Variants in TLL2 observed in about 807,000 individuals in gnomAD.
The protein encoded by TLL2 is tolloid-like protein 2.
A neutral mutation model predicts 123.0 loss-of-function variants in TLL2; 106 were observed. The ratio of observed to expected loss-of-function variants is 0.86; its 90% CI spans 0.74 to 1.01. The LOEUF is 1.01. Among genes scored for constraint, TLL2 ranks in the 50% least tolerant of loss-of-function variants. The probability of loss-of-function intolerance (pLI) is 0.00; values close to 1 mark genes in which losing one functional copy is unlikely to be tolerated. For synonymous variants in TLL2, 494 were observed against 516.8 expected, an observed-to-expected ratio of 0.96 and a Z score of 0.60; for missense variants, 1,332 against 1,336.7, an observed-to-expected ratio of 1.00 and a Z score of 0.06.
chr10:96,503,945 C>T (rs867192635), intron 1 of TLL2, among the ~76,000 whole-genome samples: 33 of 152,228 alleles, frequency 2.2e-4, no homozygotes, highest in African/African-American at 7.9e-4. Flanking sequence ...AAGCTGGAGG[C>T]CCCAGGGTTG....
chr10:96,427,318 T>C (rs1846687248), intron 5 of TLL2, among the ~76,000 whole-genome samples: 1 of 152,352 alleles, frequency 6.6e-6, no homozygotes, highest in Middle Eastern at 3.4e-3. Flanking sequence ...TAGAATCTGA[T>C]AGACCTATAG....
intron 9 of TLL2, among the ~76,000 whole-genome samples, chr10:96,407,313 T>C (rs564698439): frequency 3.3e-5 from 5 of 152,224 alleles, no homozygotes; most frequent in African/African-American, 9.6e-5. Flanking sequence ...ATGAACACGA[T>C]TGATCTTTGC....
chr10:96,480,152 T>C (rs1218942139), intron 2 of TLL2, among the ~76,000 whole-genome samples, 197 bp downstream of exon 2: 3 of 152,188 alleles, frequency 2.0e-5, no homozygotes, highest in African/African-American at 7.2e-5. Context: ...GAGATTTTCT[T>C]AGATGAATCA....
intron 3 of TLL2, among the ~76,000 whole-genome samples, chr10:96,433,776 T>TTTTG (rs1041493350): frequency 3.3e-5 from 5 of 152,154 alleles, no homozygotes; most frequent in Non-Finnish European, 2.9e-5. Flanking sequence ...TTTTCTTTGT[T>TTTTG]TTTGTTTGTT....
At chr10:96,466,828 C>A (rs1847136837) in intron 2 of TLL2, among the ~76,000 whole-genome samples, 1 of 152,160 alleles carries the variant, frequency 6.6e-6, no homozygotes, top group African/African-American at 2.4e-5. Context: ...TGTATCCAGT[C>A]CCCATTACAC....
chr10:96,381,385 C>T (rs761821564), intron 16 of TLL2, among the ~76,000 whole-genome samples: 23 of 152,246 alleles, frequency 1.5e-4, no homozygotes, highest in Non-Finnish European at 2.9e-4. Context: ...CCTTCTCCAA[C>T]TTGGCCCATC....
intron 2 of TLL2, among the ~76,000 whole-genome samples, chr10:96,465,678 C>T (rs1005487808): frequency 6.6e-6 from 1 of 152,210 alleles, no homozygotes; most frequent in Non-Finnish European, 1.5e-5. Context: ...CAAGGTGGTG[C>T]CTCTTACCCA....
chr10:96,386,940 G>A lies in TLL2; in HGVS notation c.1852+13C>T. 1 of 1,613,972 alleles carries A rather than the reference G, an allele frequency of 6.2e-7. No homozygotes were observed. Among genetic ancestry groups the A allele is most frequent in the Non-Finnish European group, 8.5e-7 (1 of 1,179,936 alleles). ...ATACCCTCTCATTCTAGCTTGGCAG[G>A]TCCCACACCAACCTTCACACATCTT... On this transcript the variant is annotated intron_variant, in intron 14 of 20. Transcript: ENST00000357947.
chr10:96,480,483 G>A (rs1847302146), intron 1 of TLL2, 24 bp from the exon 2 acceptor site: 1 of 1,565,900 alleles, frequency 6.4e-7, no homozygotes. Flanking sequence ...ACATAAGTGG[G>A]TGAATTTATG....
chr10:96,368,269 G>C, intron 20 of TLL2, 47 bp from the exon 21 acceptor site: 1 of 1,603,404 alleles, frequency 6.2e-7, no homozygotes, highest in Non-Finnish European at 8.5e-7. Flanking sequence ...GCTGTGATTG[G>C]AGTTGAAAAT....
At chr10:96,485,977 C>CT (rs1449104822) in intron 1 of TLL2, among the ~76,000 whole-genome samples, 1 of 36,108 alleles carries the variant, frequency 2.8e-5, no homozygotes, top group Non-Finnish European at 6.6e-5. Context: ...AAGAGAGAAG[C>CT]AGGGGGTGGG....
rs145298527 is a variant in TLL2 at position 96,395,962 on chromosome 10, C to T, written c.1443G>A (p.Pro481=). ...ATTCCTTGGAAGGTCTGTAGTCATC[C>T]GGATAGTTGGGAGATTGAATCTGAC... The part of the protein sequence containing the change: ...DAGQIQSPNY[P]DDYRPSKECV... Residue 481 remains proline, a synonymous_variant, in exon 12 of 21, where the codon CCG becomes CCA. Transcript: ENST00000357947. 17 of 1,614,166 alleles carry T rather than the reference C, an allele frequency of 1.1e-5. No homozygotes were observed. The highest frequency in any genetic ancestry group is 2.2e-5 in the South Asian group (2 of 91,076).
intron 2 of TLL2, among the ~76,000 whole-genome samples, chr10:96,452,431 G>A (rs1046291116): frequency 6.6e-6 from 1 of 152,232 alleles, no homozygotes; most frequent in East Asian, 1.9e-4. Context: ...ACCTGCGAGG[G>A]ACACAGGTCC....
chr10:96,439,654 A>G (rs1014719285), intron 3 of TLL2, among the ~76,000 whole-genome samples: 12 of 152,052 alleles, frequency 7.9e-5, no homozygotes, highest in Non-Finnish European at 2.9e-5. Flanking sequence ...TGAAAAGGTA[A>G]TATTTTTTTC....
chr10:96,444,964 C>T (rs1174700724), intron 3 of TLL2, among the ~76,000 whole-genome samples: 1 of 152,130 alleles, frequency 6.6e-6, no homozygotes, highest in East Asian at 1.9e-4. Flanking sequence ...CCGAGGCGGG[C>T]AGATCACGAG....
chr10:96,463,246 T>C (rs1193285745), intron 2 of TLL2, among the ~76,000 whole-genome samples: 1 of 152,184 alleles, frequency 6.6e-6, no homozygotes, highest in Non-Finnish European at 1.5e-5. Flanking sequence ...TTCCGAGGCA[T>C]TGAGCCTGCA....
intron 16 of TLL2, among the ~76,000 whole-genome samples, chr10:96,383,883 G>A (rs1347812009): frequency 6.7e-6 from 1 of 148,658 alleles, no homozygotes; most frequent in Non-Finnish European, 1.5e-5. Context: ...TGCCCGCCTC[G>A]GCCTCCCAAA....
intron 1 of TLL2, among the ~76,000 whole-genome samples, chr10:96,503,700 G>A (rs1251243477): frequency 3.3e-5 from 5 of 152,164 alleles, no homozygotes; most frequent in African/African-American, 9.7e-5. Context: ...GAACAGAGAC[G>A]GGGACAGGTG....
At chr10:96,499,298 C>T (rs904244337) in intron 1 of TLL2, among the ~76,000 whole-genome samples, 2 of 152,192 alleles carry the variant, frequency 1.3e-5, no homozygotes, top group African/African-American at 4.8e-5. Context: ...TGGGCCATAG[C>T]CACTCTCTCT....
Sources: gnomAD v4.1 joint callset for allele counts (sites outside exome capture counted in the v4.1 genomes callset) on GRCh38, gnomAD v4.1.1 for gene constraint, MANE v1.5 for transcripts, NCBI Gene and HGNC (gene_info 2026-07-23, HGNC 2026-07-21) for gene names.